The following ZNF444 variants were observed in gnomAD, a reference collection of about 807,000 sequenced individuals.
The protein encoded by ZNF444 is endothelial zinc finger protein 2.
Under a neutral mutation model 14.4 loss-of-function variants are expected in ZNF444, and 8 were observed. The ratio of observed to expected loss-of-function variants is 0.56; its 90% CI spans 0.33 to 1.00. The LOEUF (loss-of-function observed/expected upper bound fraction) is 1.00, where lower values mean the gene tolerates loss of function less well. ZNF444 is among the 50% of genes least tolerant of loss of function. ZNF444 has a pLI of 0.03. For synonymous variants in ZNF444, 258 were observed against 235.9 expected, an observed-to-expected ratio of 1.09 and a Z score of -0.86; for missense variants, 510 against 504.8, an observed-to-expected ratio of 1.01 and a Z score of -0.10.
At chr19:56,139,698 A>G (rs1198962882), upstream of ZNF444, among the ~76,000 whole-genome samples, 5 of 111,714 alleles carry the variant, frequency 4.5e-5, no homozygotes, top group East Asian at 1.1e-3. Flanking sequence ...AAAACAAAAC[A>G]AAACAAAACA....
At chr19:56,158,140 G>A (rs1021382075) in intron 3 of ZNF444, 6 of 192,874 alleles carry the variant, frequency 3.1e-5, no homozygotes, top group Non-Finnish European at 6.3e-5. Flanking sequence ...CCACACTCAG[G>A]GGTGTAAACA....
chr19:56,155,201 G>C (rs562820426), intron 3 of ZNF444: 1 of 152,568 alleles, frequency 6.6e-6, no homozygotes, highest in African/African-American at 2.4e-5. Flanking sequence ...GAGATGAGTG[G>C]AATGGGTGGA....
At chr19:56,158,310 T>G (rs1171543321) in intron 3 of ZNF444, 184 bp from the exon 4 acceptor site, 1 of 526,090 alleles carries the variant, frequency 1.9e-6, no homozygotes, top group Admixed American at 4.0e-5. Flanking sequence ...GGCAGGGGGT[T>G]GGCAGGAGGC....
At chr19:56,159,316 C>T (rs1467142205) in intron 4 of ZNF444, among the ~76,000 whole-genome samples, 1 of 151,922 alleles carries the variant, frequency 6.6e-6, no homozygotes, top group Non-Finnish European at 1.5e-5. Context: ...ATCATCTGTA[C>T]ATTCATCCAT....
chr19:56,140,973 C>CA (rs1374255149), upstream of ZNF444: 2 of 152,218 alleles, frequency 1.3e-5, no homozygotes, highest in Non-Finnish European at 2.9e-5. Context: ...AAATGTAGTC[C>CA]AAAGCCTGTC....
chr19:56,148,702 A>G (rs2031370145), intron 3 of ZNF444, among the ~76,000 whole-genome samples: 1 of 152,152 alleles, frequency 6.6e-6, no homozygotes, highest in African/African-American at 2.4e-5. Context: ...ATTGTTCCCA[A>G]AAGTGGGTTG....
At chr19:56,143,890 C>T (rs1380337957) in intron 1 of ZNF444, among the ~76,000 whole-genome samples, 1 of 152,010 alleles carries the variant, frequency 6.6e-6, no homozygotes, top group African/African-American at 2.4e-5. Context: ...GTAATAATTG[C>T]ATGGAGGCCT....
chr19:56,159,040 T>C (rs1159995469), intron 4 of ZNF444, among the ~76,000 whole-genome samples: 6 of 150,958 alleles, frequency 4.0e-5, no homozygotes, highest in Admixed American at 1.3e-4. Context: ...ATCCATCATC[T>C]GTACATTCAT....
rs2031147030 is a variant in ZNF444, at chr19:56,145,827, G to A, written c.-196-420G>A. Among the ~76,000 whole-genome samples, 1 of 152,146 alleles carries A rather than the reference G, an allele frequency of 6.6e-6. No individual in the cohort carries two copies. The highest frequency in any genetic ancestry group is 1.5e-5 in the Non-Finnish European group (1 of 68,036). On this transcript the variant is annotated intron_variant, in intron 1 of 4. Transcript: ENST00000337080. The surrounding 1 kb of genome is among the most constrained non-coding windows in gnomAD (Gnocchi z 4.3). ...GAGCTTATTTCTCAGTTCTGGGAGC[G>A]GGAAGCTCAGAATGCCATCATGGTC...
At chr19:56,149,358 C>T (rs1370225463) in intron 3 of ZNF444, among the ~76,000 whole-genome samples, 5 of 135,958 alleles carry the variant, frequency 3.7e-5, no homozygotes, top group African/African-American at 1.4e-4. Context: ...CTTCCATCCC[C>T]CATCACTCCT....
intron 1 of ZNF444, among the ~76,000 whole-genome samples, chr19:56,134,095 G>A (rs950926223): frequency 1.3e-5 from 2 of 151,670 alleles, no homozygotes; most frequent in Non-Finnish European, 2.9e-5. Context: ...CCCCTCACAC[G>A]CTCACTCAGC....
At chr19:56,142,322 C>T (rs924441439) in intron 1 of ZNF444, 14 of 152,236 alleles carry the variant, frequency 9.2e-5, no homozygotes, top group African/African-American at 3.1e-4. Context: ...CCTTGTACCT[C>T]GTCCAAGGAC....
rs1310807520 is a variant in ZNF444 at position 56,147,668 on chromosome 19, C to T, written c.297+460C>T. Reference sequence around the variant, plus strand: ...CCCCGTTCTGTGTGGCTGACCTCAGCCTCCCGCCCCCTGAAAGTCAAGGAT... The same window carrying T: ...CCCCGTTCTGTGTGGCTGACCTCAGTCTCCCGCCCCCTGAAAGTCAAGGAT... On this transcript the variant is annotated intron_variant, in intron 3 of 4. Transcript: ENST00000337080. The surrounding 1 kb of genome is among the most constrained non-coding windows in gnomAD (Gnocchi z 5.9). Among the ~76,000 whole-genome samples, 1 of 152,102 alleles carries T rather than the reference C, an allele frequency of 6.6e-6. No homozygotes were observed. The highest frequency in any genetic ancestry group is 2.4e-5 in the African/African-American group (1 of 41,408).
At chr19:56,150,649 T>C (rs2031519844) in intron 3 of ZNF444, among the ~76,000 whole-genome samples, 1 of 152,234 alleles carries the variant, frequency 6.6e-6, no homozygotes. Context: ...GTCAGTGTTA[T>C]TTTAGTTTTA....
At chr19:56,149,876 G>A (rs148474102) in intron 3 of ZNF444, 1 of 153,746 alleles carries the variant, frequency 6.5e-6, no homozygotes, top group Non-Finnish European at 1.4e-5. Context: ...TAGGTCACCT[G>A]TGATGACATT....
upstream of ZNF444, among the ~76,000 whole-genome samples, chr19:56,139,813 T>C (rs79721567): frequency 3.4e-3 from 515 of 151,868 alleles, 3 homozygotes; most frequent in African/African-American, 0.012. Context: ...GGTGGAGTAA[T>C]GGGAAGGAAC....
At chr19:56,136,697 C>T (rs1306033641), upstream of ZNF444, among the ~76,000 whole-genome samples, 16 of 152,316 alleles carry the variant, frequency 1.1e-4, no homozygotes, top group Admixed American at 4.6e-4. Context: ...GCCTTTGCAT[C>T]CCCTGGAGGC....
intron 3 of ZNF444, chr19:56,154,306 C>T (rs1294199440): frequency 6.6e-6 from 1 of 152,140 alleles, no homozygotes; most frequent in African/African-American, 2.4e-5. Context: ...TCATTCTCAT[C>T]TGTTCTTTTT....
At position 56,147,122 on chromosome 19, in the gene ZNF444, G is replaced by T; in HGVS notation, c.211G>T (p.Ala71Ser). ...ELLVLEQFLS[A>S]LPADTQAWVC... Reference sequence around the variant, plus strand: ...GCTGGTGCTGGAACAGTTCCTGAGCGCGCTGCCCGCCGACACGCAGGCCTG... The same window carrying T: ...GCTGGTGCTGGAACAGTTCCTGAGCTCGCTGCCCGCCGACACGCAGGCCTG... The change falls in exon 3 of 5, where the codon GCG becomes TCG. Residue 71 changes from alanine to serine, a missense_variant. Ala to Ser is a moderately conservative substitution (Grantham distance 99, BLOSUM62 1). Coordinates refer to ENST00000337080, the MANE Select transcript of ZNF444 (RefSeq NM_018337.4). The surrounding 1 kb of genome is among the most constrained non-coding windows in gnomAD (Gnocchi z 5.9). 1.9e-6 allele frequency: 3 copies of T among 1,569,074 alleles called. No homozygotes were observed. The highest frequency in any genetic ancestry group is 2.6e-6 in the Non-Finnish European group (3 of 1,162,148).
Sources: gnomAD v4.1 joint callset for allele counts (sites outside exome capture counted in the v4.1 genomes callset) on GRCh38, gnomAD v4.1.1 for gene constraint, Gnocchi (gnomAD v3.1) non-coding constraint, MANE v1.5 for transcripts, NCBI Gene and HGNC (gene_info 2026-07-23, HGNC 2026-07-21) for gene names.